FBXW7: variants seen among roughly 807,000 people sequenced by gnomAD.
The protein encoded by FBXW7 is F-box/WD repeat-containing protein 7.
In FBXW7, 11 loss-of-function variants were observed where a neutral mutation model predicts 86.3. The ratio of observed to expected loss-of-function variants is 0.13; its 90% CI spans 0.08 to 0.21. The LOEUF is 0.21. Among genes scored for constraint, FBXW7 ranks in the 10% least tolerant of loss-of-function variants. The pLI is 1.00. For missense variants in FBXW7, 488 were observed against 847.4 expected, an observed-to-expected ratio of 0.58 and a Z score of 5.27; for synonymous variants, 313 against 297.9, an observed-to-expected ratio of 1.05 and a Z score of -0.52.
At chr4:152,381,904 G>A (rs940591696) in intron 4 of FBXW7, among the ~76,000 whole-genome samples, 2 of 151,960 alleles carry the variant, frequency 1.3e-5, no homozygotes, top group African/African-American at 2.4e-5. Flanking sequence ...ATTTGTCAAC[G>A]TATTTCAAAA....
rs565645339 is a variant in FBXW7 at position 152,498,289 on chromosome 4, T to A, written c.-120+36652A>T. Among the ~76,000 whole-genome samples, 4 of 95,174 alleles carry A rather than the reference T, an allele frequency of 4.2e-5. No individual in the cohort carries two copies. In the East Asian group the frequency reaches 1.1e-3, roughly 26 times the overall value. The allele number at this position is 95,174 out of a possible 152,430, so 62.4% of individuals were successfully genotyped here. A position where few individuals can be genotyped will look rare whatever the true frequency, so the allele number is the denominator to read the frequency against. On this transcript the variant is annotated intron_variant, in intron 2 of 13. Transcript: ENST00000281708. ...GCATGAGAGAAATAGAAGGCTTTTG[T>A]CAAGGCAAAAAAAAACTCATAAAAC...
intron 4 of FBXW7, among the ~76,000 whole-genome samples, chr4:152,376,925 T>G (rs1413345518): frequency 6.6e-6 from 1 of 151,532 alleles, no homozygotes; most frequent in Non-Finnish European, 1.5e-5. Flanking sequence ...GTGAGATAAC[T>G]CTATAACTAA....
intron 4 of FBXW7, among the ~76,000 whole-genome samples, chr4:152,384,341 C>G (rs1278839407): frequency 6.6e-6 from 1 of 152,014 alleles, no homozygotes; most frequent in Non-Finnish European, 1.5e-5. Context: ...GAACATTATT[C>G]AGCTCTGAAA....
intron 11 of FBXW7, among the ~76,000 whole-genome samples, chr4:152,327,729 C>A (rs190369809): frequency 1.3e-5 from 2 of 152,080 alleles, no homozygotes; most frequent in East Asian, 3.9e-4. Context: ...AGTTAGAAAG[C>A]TGTGACAATA....
intron 2 of FBXW7, among the ~76,000 whole-genome samples, chr4:152,423,742 T>A (rs1739142739): frequency 6.6e-6 from 1 of 152,154 alleles, no homozygotes; most frequent in African/African-American, 2.4e-5. Flanking sequence ...GTATAAATTG[T>A]ATTATTCCAC....
At chr4:152,385,989 C>T (rs966832565) in intron 4 of FBXW7, among the ~76,000 whole-genome samples, 1 of 151,772 alleles carries the variant, frequency 6.6e-6, no homozygotes, top group Non-Finnish European at 1.5e-5. Flanking sequence ...CAACACGAAA[C>T]ACTAAAAAAA....
chr4:152,463,635 T>C (rs933177161), intron 2 of FBXW7, among the ~76,000 whole-genome samples: 1 of 152,178 alleles, frequency 6.6e-6, no homozygotes, highest in Non-Finnish European at 1.5e-5. Context: ...TCCAACCATA[T>C]AGCAAGCATT....
chr4:152,332,929 C>G (rs1394904672), intron 7 of FBXW7, among the ~76,000 whole-genome samples: 2 of 151,990 alleles, frequency 1.3e-5, no homozygotes, highest in African/African-American at 4.8e-5. Context: ...GAACTTCACT[C>G]TACTAACTCT....
chr4:152,477,088 A>C (rs1372385623), intron 2 of FBXW7, among the ~76,000 whole-genome samples: 1 of 151,812 alleles, frequency 6.6e-6, no homozygotes, highest in Non-Finnish European at 1.5e-5. Flanking sequence ...TACTCTGGTC[A>C]CTGCTACTGC....
intron 4 of FBXW7, among the ~76,000 whole-genome samples, chr4:152,372,774 C>G (rs1039591933): frequency 6.6e-6 from 1 of 151,882 alleles, no homozygotes; most frequent in Non-Finnish European, 1.5e-5. Context: ...CCTTTGATGT[C>G]AAAATTATAC....
chr4:152,436,473 T>A (rs1740397493), intron 2 of FBXW7, among the ~76,000 whole-genome samples: 1 of 152,240 alleles, frequency 6.6e-6, no homozygotes, highest in African/African-American at 2.4e-5. Flanking sequence ...CAAATGCTGA[T>A]GCAGAAGCTG....
chr4:152,445,545 G>C (rs1419863452), intron 2 of FBXW7, among the ~76,000 whole-genome samples: 3 of 152,150 alleles, frequency 2.0e-5, no homozygotes, highest in Non-Finnish European at 4.4e-5. Context: ...ACCTCTCTGA[G>C]CTTCAGTTCT....
chr4:152,352,128 C>T (rs1293603111), intron 4 of FBXW7, among the ~76,000 whole-genome samples: 1 of 151,878 alleles, frequency 6.6e-6, no homozygotes, highest in Admixed American at 6.6e-5. Flanking sequence ...AAACTGTATA[C>T]AAGGTATAGA....
chr4:152,452,406 T>C (rs545227450), intron 2 of FBXW7, among the ~76,000 whole-genome samples: 1 of 152,336 alleles, frequency 6.6e-6, no homozygotes, highest in East Asian at 1.9e-4. Context: ...AAAGCAGAGA[T>C]TAGAAAAATA....
intron 4 of FBXW7, 118 bp from the exon 5 acceptor site, chr4:152,350,242 A>G (rs780843168): frequency 1.5e-5 from 7 of 478,438 alleles, no homozygotes; most frequent in Non-Finnish European, 2.3e-5. Flanking sequence ...TGTTAATTAA[A>G]TATATAAAAT....
rs751892857 is a variant in FBXW7, at chr4:152,409,185, T to C, written c.501+2118A>G. 4.6e-5 allele frequency among the ~76,000 whole-genome samples: 7 copies of C among 152,158 alleles called. 1 individual carries two copies. The highest frequency in any genetic ancestry group is 7.2e-5 in the African/African-American group (3 of 41,450). On this transcript the variant is annotated intron_variant, in intron 4 of 13. Transcript: ENST00000281708. ...TGTCCACAGGGTTTGTTTATGAGAA[T>C]GCCAAAAAATAAAACTTGAAAGGTA...
chr4:152,509,154 A>G (rs1424833996), intron 2 of FBXW7, among the ~76,000 whole-genome samples: 2 of 152,212 alleles, frequency 1.3e-5, no homozygotes. Flanking sequence ...ACACGTGAAT[A>G]ATTTCATATT....
intron 2 of FBXW7, among the ~76,000 whole-genome samples, chr4:152,477,277 T>C (rs1182311445): frequency 8.6e-5 from 13 of 152,038 alleles, no homozygotes; most frequent in Non-Finnish European, 1.8e-4. Flanking sequence ...ATTAGAAAAA[T>C]ATAAAAGTTC....
intron 2 of FBXW7, among the ~76,000 whole-genome samples, chr4:152,529,842 C>T (rs997605736): frequency 1.3e-5 from 2 of 151,808 alleles, no homozygotes; most frequent in Non-Finnish European, 2.9e-5. Flanking sequence ...CATATACCCT[C>T]GAGGCTCTCT....
Sources: allele counts gnomAD v4.1 joint callset (sites outside exome capture counted in the v4.1 genomes callset), GRCh38; gene constraint gnomAD v4.1.1; transcripts MANE v1.5; gene names NCBI Gene and HGNC (gene_info 2026-07-23, HGNC 2026-07-21).